Variants in PGM5 observed in about 807,000 individuals in gnomAD.
PGM5 encodes the protein phosphoglucomutase-like protein 5.
Under a neutral mutation model 59.2 loss-of-function variants are expected in PGM5, and 23 were observed. The observed-to-expected ratio is 0.39, with a 90% confidence interval of 0.28 to 0.55. The LOEUF is 0.55. Among genes scored for constraint, PGM5 ranks in the 20% least tolerant of loss-of-function variants. The pLI, the probability that PGM5 is intolerant of heterozygous loss-of-function variation, is 0.66. For synonymous variants in PGM5, 214 were observed against 286.0 expected, an observed-to-expected ratio of 0.75 and a Z score of 2.54; for missense variants, 574 against 748.3, an observed-to-expected ratio of 0.77 and a Z score of 2.72.
intron 4 of PGM5, among the ~76,000 whole-genome samples, chr9:68,387,846 A>T (rs2132006101): frequency 6.6e-6 from 1 of 152,088 alleles, no homozygotes; most frequent in Non-Finnish European, 1.5e-5. Flanking sequence ...TATTTATTTG[A>T]TCATATGCAT....
intron 8 of PGM5, among the ~76,000 whole-genome samples, chr9:68,480,421 C>T (rs370724753): frequency 6.6e-6 from 1 of 152,220 alleles, no homozygotes; most frequent in East Asian, 1.9e-4. Flanking sequence ...AAAAGAGGTA[C>T]AGGCCAGGTG....
chr9:68,522,271 A>G (rs1824910402), intron 10 of PGM5, among the ~76,000 whole-genome samples: 1 of 152,184 alleles, frequency 6.6e-6, no homozygotes, highest in African/African-American at 2.4e-5. Flanking sequence ...TCTCTGATGA[A>G]ACTGAGAACA....
At chr9:68,419,820 T>C (rs978997315) in intron 6 of PGM5, among the ~76,000 whole-genome samples, 4 of 152,184 alleles carry the variant, frequency 2.6e-5, no homozygotes, top group Admixed American at 2.6e-4. Context: ...TTTCCCCTCT[T>C]GACAGAATTC....
chr9:68,378,588 A>G (rs1821985225), intron 2 of PGM5, among the ~76,000 whole-genome samples: 1 of 152,038 alleles, frequency 6.6e-6, no homozygotes, highest in Admixed American at 6.6e-5. Flanking sequence ...ACTATTGAAT[A>G]GTTGATGCTT....
intron 6 of PGM5, chr9:68,428,990 C>T (rs1415943309): frequency 1.3e-5 from 2 of 152,172 alleles, no homozygotes; most frequent in Non-Finnish European, 2.9e-5. Flanking sequence ...AATCTCTTAA[C>T]TTTTATGTCC....
At chr9:68,430,924 A>G (rs1395831854) in intron 6 of PGM5, among the ~76,000 whole-genome samples, 7 of 152,194 alleles carry the variant, frequency 4.6e-5, no homozygotes, top group Non-Finnish European at 1.0e-4. Flanking sequence ...TATTTTCTCA[A>G]TAAATAGTCC....
At chr9:68,527,139 T>C (rs940435705) in intron 10 of PGM5, among the ~76,000 whole-genome samples, 3 of 152,186 alleles carry the variant, frequency 2.0e-5, no homozygotes, top group African/African-American at 7.2e-5. Context: ...CTCTGGTGTT[T>C]ACAGTATTTG....
chr9:68,412,110 C>T (rs3869296), intron 6 of PGM5, among the ~76,000 whole-genome samples: 35,242 of 147,956 alleles, frequency 0.24, 5,132 homozygotes, highest in Admixed American at 0.33. Flanking sequence ...TGGTTTGCTA[C>T]AGAATGCTTT....
intron 6 of PGM5, among the ~76,000 whole-genome samples, chr9:68,403,207 C>T (rs543512870): frequency 0.012 from 1,791 of 152,224 alleles, 26 homozygotes; most frequent in African/African-American, 0.041. Context: ...GTGAACTGTG[C>T]ATGTGAGGAG....
chr9:68,472,383 A>G (rs1824033222), intron 7 of PGM5, among the ~76,000 whole-genome samples: 2 of 142,678 alleles, frequency 1.4e-5, no homozygotes, highest in Admixed American at 6.9e-5. Flanking sequence ...GGATGAAGGT[A>G]GAAGGAATGC....
At position 68,407,433 on chromosome 9, in the gene PGM5, C is replaced by A. The variant is rs560363640; in HGVS notation, c.1043+14960C>A. On this transcript the variant is annotated intron_variant, in intron 6 of 10. Transcript: ENST00000396396. The stretch of plus-strand genomic sequence containing the variant: ...TAGGCGTGAGCCACCATGCCCAGCC[C>A]CTATTGCCTTTTGATCCGTACTTTT... Among the ~76,000 whole-genome samples the A allele has an allele frequency of 2.6e-3, 402 of 152,206 alleles. 2 individuals are homozygous for A. Among genetic ancestry groups the A allele is most frequent in the Non-Finnish European group, 4.3e-3 (291 of 67,994 alleles).
intron 2 of PGM5, among the ~76,000 whole-genome samples, chr9:68,381,746 C>G (rs1445982473): frequency 6.6e-6 from 1 of 151,426 alleles, no homozygotes; most frequent in Non-Finnish European, 1.5e-5. Flanking sequence ...AGTAGCATTT[C>G]TATACATAAA....
intron 7 of PGM5, among the ~76,000 whole-genome samples, chr9:68,467,467 T>C (rs1823952526): frequency 6.6e-6 from 1 of 152,204 alleles, no homozygotes; most frequent in African/African-American, 2.4e-5. Context: ...TCCTGGCCTT[T>C]TACCATTGCT....
intron 7 of PGM5, among the ~76,000 whole-genome samples, chr9:68,467,741 C>A (rs1564013365): frequency 1.3e-5 from 2 of 152,130 alleles, no homozygotes; most frequent in African/African-American, 4.8e-5. Flanking sequence ...TCCTATAGAG[C>A]TTTAAAATTG....
chr9:68,377,046 C>G (rs1396562101), intron 1 of PGM5, among the ~76,000 whole-genome samples: 1 of 151,936 alleles, frequency 6.6e-6, no homozygotes, highest in Non-Finnish European at 1.5e-5. Flanking sequence ...CCCACCTCAG[C>G]CCCCGGAGTA....
At chr9:68,469,545 C>T (rs1169998881) in intron 7 of PGM5, among the ~76,000 whole-genome samples, 2 of 152,176 alleles carry the variant, frequency 1.3e-5, no homozygotes, top group Non-Finnish European at 2.9e-5. Context: ...CATATGTGCC[C>T]AATTTCTAGC....
intron 6 of PGM5, among the ~76,000 whole-genome samples, chr9:68,411,641 T>G (rs563817199): frequency 6.6e-6 from 1 of 152,098 alleles, no homozygotes; most frequent in Non-Finnish European, 1.5e-5. Context: ...GAAAACCTTC[T>G]CTGGGTCAGA....
intron 10 of PGM5, among the ~76,000 whole-genome samples, chr9:68,508,654 T>C (rs1554689170): frequency 6.6e-6 from 1 of 152,158 alleles, no homozygotes; most frequent in East Asian, 1.9e-4. Flanking sequence ...AAAAGGAGCA[T>C]GAATGAATTT....
intron 10 of PGM5, among the ~76,000 whole-genome samples, chr9:68,513,529 C>T (rs1029145002): frequency 6.6e-6 from 1 of 152,182 alleles, no homozygotes; most frequent in Admixed American, 6.5e-5. Flanking sequence ...GAAGCAAACA[C>T]GTGACATTCA....
Sources: gnomAD v4.1 joint callset for allele counts (sites outside exome capture counted in the v4.1 genomes callset) on GRCh38, gnomAD v4.1.1 for gene constraint, MANE v1.5 for transcripts, NCBI Gene and HGNC (gene_info 2026-07-23, HGNC 2026-07-21) for gene names.